Variants in ALOX5AP observed in about 807,000 individuals in gnomAD.
ALOX5AP encodes the protein arachidonate 5-lipoxygenase activating protein, also known as arachidonate 5-lipoxygenase-activating protein.
In ALOX5AP, 9 loss-of-function variants were observed where a neutral mutation model predicts 18.5. The observed-to-expected ratio is 0.49, with a 90% confidence interval of 0.29 to 0.85. ALOX5AP has a LOEUF of 0.85. Ranked by LOEUF, ALOX5AP falls within the 40% of genes least tolerant of loss-of-function variation. The probability of loss-of-function intolerance (pLI) is 0.08; values close to 1 mark genes in which losing one functional copy is unlikely to be tolerated. For synonymous variants in ALOX5AP, 81 were observed against 78.6 expected (o/e 1.03, Z -0.16); for missense variants, 172 against 202.5 (o/e 0.85, Z 0.91).
chr13:30,752,551 G>A (rs866557175), intron 3 of ALOX5AP, among the ~76,000 whole-genome samples: 34 of 152,372 alleles, frequency 2.2e-4, no homozygotes, highest in African/African-American at 7.5e-4. Context: ...CGGGCTGGAT[G>A]CCACATCCCC....
chr13:30,736,797 C>A (rs1424842357), intron 1 of ALOX5AP, among the ~76,000 whole-genome samples: 4 of 152,222 alleles, frequency 2.6e-5, no homozygotes, highest in South Asian at 2.1e-4. Context: ...AAATTACACA[C>A]AACAAAGTTG....
chr13:30,714,363 A>G (rs559240701), intron 1 of ALOX5AP, among the ~76,000 whole-genome samples: 1 of 152,044 alleles, frequency 6.6e-6, no homozygotes, highest in South Asian at 2.1e-4. Context: ...CCTCACTGAG[A>G]GGGTTTCCCA....
chr13:30,740,223 T>G (rs1237180200), intron 1 of ALOX5AP, among the ~76,000 whole-genome samples: 4 of 152,252 alleles, frequency 2.6e-5, no homozygotes, highest in Non-Finnish European at 4.4e-5. Flanking sequence ...TTGAGAACTA[T>G]GTGTCATTGC....
At chr13:30,760,968 T>C (rs1951937153) in intron 4 of ALOX5AP, among the ~76,000 whole-genome samples, 1 of 152,200 alleles carries the variant, frequency 6.6e-6, no homozygotes, top group South Asian at 2.1e-4. Context: ...ATGACCCTGG[T>C]GTGCGCTGTC....
upstream of ALOX5AP, among the ~76,000 whole-genome samples, chr13:30,731,948 C>T (rs1349458161): frequency 6.6e-6 from 1 of 152,264 alleles, no homozygotes; most frequent in Non-Finnish European, 1.5e-5. Flanking sequence ...TTTGTTCTGT[C>T]TCAGCAGCTC....
At chr13:30,742,500 T>C (rs1049842886) in intron 1 of ALOX5AP, 12 of 152,164 alleles carry the variant, frequency 7.9e-5, no homozygotes, top group Non-Finnish European at 1.0e-4. Context: ...GGAACAGTAC[T>C]ACCCATTGCA....
intron 1 of ALOX5AP, among the ~76,000 whole-genome samples, chr13:30,741,755 T>C (rs1566084505): frequency 6.6e-6 from 1 of 152,010 alleles, no homozygotes; most frequent in East Asian, 1.9e-4. Context: ...ATGTAAACAG[T>C]TGTTATACTG....
At chr13:30,749,646 G>A (rs1253179486) in intron 2 of ALOX5AP, among the ~76,000 whole-genome samples, 1 of 152,172 alleles carries the variant, frequency 6.6e-6, no homozygotes, top group Non-Finnish European at 1.5e-5. Flanking sequence ...GCCCTTTGGA[G>A]CTCCTACCGT....
chr13:30,713,706 A>G, exon 1 of ALOX5AP: 1 of 1,475,118 alleles, frequency 6.8e-7, no homozygotes, highest in Non-Finnish European at 9.2e-7. Flanking sequence ...ACCAGGCTCC[A>G]GAAGTCAACA....
intron 4 of ALOX5AP, among the ~76,000 whole-genome samples, chr13:30,760,989 A>G (rs1951937379): frequency 6.6e-6 from 1 of 152,176 alleles, no homozygotes; most frequent in Non-Finnish European, 1.5e-5. Context: ...TAGGCCCCCA[A>G]GGTCTTCCTT....
chr13:30,754,067 C>G (rs536480351), intron 3 of ALOX5AP, among the ~76,000 whole-genome samples: 2 of 152,228 alleles, frequency 1.3e-5, no homozygotes, highest in East Asian at 3.9e-4. Context: ...TGGAGAAACC[C>G]TGTCTCTACT....
chr13:30,730,392 C>T (rs568739418), intron 1 of ALOX5AP, among the ~76,000 whole-genome samples: 109 of 152,306 alleles, frequency 7.2e-4, no homozygotes, highest in Admixed American at 2.0e-3. Flanking sequence ...TGGAACAGAC[C>T]ATGCCTGGTC....
At position 30,763,940 on chromosome 13, in the gene ALOX5AP, C is replaced by G; in HGVS notation, c.324-4C>G. On this transcript the variant is annotated splice_polypyrimidine_tract_variant and splice_region_variant and intron_variant, in intron 4 of 4. Coordinates refer to ENST00000380490, the MANE Select transcript of ALOX5AP (RefSeq NM_001629.4). Reference sequence around the variant, plus strand: ...CTACAGTTTTCTTTTTCCTTCTCTTCCAGCACCCCTGGCTACATATTTGGG... The same window carrying G: ...CTACAGTTTTCTTTTTCCTTCTCTTGCAGCACCCCTGGCTACATATTTGGG... 1 of 1,609,814 alleles carries G rather than the reference C, an allele frequency of 6.2e-7. No individual in the cohort carries two copies. Among genetic ancestry groups the G allele is most frequent in the Non-Finnish European group, 8.5e-7 (1 of 1,178,734 alleles).
At chr13:30,718,891 TAC>T (rs1478623737) in intron 1 of ALOX5AP, among the ~76,000 whole-genome samples, 1 of 152,214 alleles carries the variant, frequency 6.6e-6, no homozygotes, top group African/African-American at 2.4e-5. Context: ...GCACATGCCT[TAC>T]AGTCTTCCCT....
upstream of ALOX5AP, among the ~76,000 whole-genome samples, chr13:30,730,949 A>G (rs959625775): frequency 6.8e-6 from 1 of 147,626 alleles, no homozygotes; most frequent in Non-Finnish European, 1.5e-5. Flanking sequence ...CTCCCAGCAT[A>G]TTTGTCTAAC....
At chr13:30,739,847 C>T (rs987289111) in intron 1 of ALOX5AP, among the ~76,000 whole-genome samples, 3 of 152,200 alleles carry the variant, frequency 2.0e-5, no homozygotes, top group African/African-American at 7.2e-5. Context: ...AATCATCTGA[C>T]TTTAGAGAGT....
rs773275143 is a variant in ALOX5AP at position 30,735,574 on chromosome 13, G to C, written c.-32G>C. On this transcript the variant is annotated 5_prime_UTR_variant, in exon 1 of 5. Coordinates refer to ENST00000380490, the MANE Select transcript of ALOX5AP (RefSeq NM_001629.4). The stretch of plus-strand genomic sequence containing the variant: ...AGGGCAGGTTGTGCAGCTGGAGGCA[G>C]AGCAGTCCTCTCTGGGGAGCCTGAA... 3.7e-5 allele frequency: 59 copies of C among 1,613,804 alleles called. 1 individual carries two copies. In the South Asian group the frequency reaches 6.0e-4, roughly 17 times the overall value.
intron 1 of ALOX5AP, among the ~76,000 whole-genome samples, chr13:30,723,983 C>T (rs916560529): frequency 6.6e-6 from 1 of 152,104 alleles, no homozygotes; most frequent in Non-Finnish European, 1.5e-5. Context: ...TTTGAGTGTA[C>T]AGATTGACAA....
At chr13:30,744,686 CCT>C (rs1951795269) in intron 2 of ALOX5AP, among the ~76,000 whole-genome samples, 1 of 152,202 alleles carries the variant, frequency 6.6e-6, no homozygotes, top group African/African-American at 2.4e-5. Flanking sequence ...GTGCTTTCCC[CCT>C]CTCTCATTCT....
Sources: gnomAD v4.1 joint callset for allele counts (sites outside exome capture counted in the v4.1 genomes callset) on GRCh38, gnomAD v4.1.1 for gene constraint, MANE v1.5 for transcripts, NCBI Gene and HGNC (gene_info 2026-07-23, HGNC 2026-07-21) for gene names.